CAMK1D: variants seen among roughly 807,000 people sequenced by gnomAD.
CAMK1D encodes calcium/calmodulin dependent protein kinase ID.
In CAMK1D, 9 loss-of-function variants were observed where a neutral mutation model predicts 47.7. The ratio of observed to expected loss-of-function variants is 0.19; its 90% CI spans 0.11 to 0.33. CAMK1D has a LOEUF of 0.33. Ranked by LOEUF, CAMK1D falls within the 10% of genes least tolerant of loss-of-function variation. CAMK1D has a pLI of 1.00. For missense variants in CAMK1D, 291 were observed against 488.7 expected (o/e 0.60, Z 3.81); for synonymous variants, 184 against 184.9 (o/e 0.99, Z 0.04).
At chr10:12,567,870 G>T (rs962174432) in intron 2 of CAMK1D, among the ~76,000 whole-genome samples, 3 of 152,116 alleles carry the variant, frequency 2.0e-5, no homozygotes, top group Non-Finnish European at 4.4e-5. Flanking sequence ...GCTTGAATCA[G>T]AATGGTCAAG....
chr10:12,535,199 A>G (rs1319059481), intron 1 of CAMK1D, among the ~76,000 whole-genome samples: 3 of 152,138 alleles, frequency 2.0e-5, no homozygotes, highest in African/African-American at 7.2e-5. Context: ...CACCCACCGC[A>G]GGGTCCTTTG....
rs10047332 is a variant in CAMK1D, at chr10:12,832,551, C to T, written c.*3664C>T. On this transcript the variant is annotated 3_prime_UTR_variant, in exon 11 of 11. Transcript: ENST00000619168. ...CAGTTCCTCCTACCCCTGCCTCTGT[C>T]GGAGACTAGAAAACATTCTACCCCT... 6,954 of 152,196 alleles carry T rather than the reference C, an allele frequency of 0.046. 505 individuals are homozygous for T. The highest frequency in any genetic ancestry group is 0.16 in the African/African-American group (6,533 of 41,482). 9.4% of individuals were successfully genotyped at this position (152,196 alleles called of 1,614,324 possible).
chr10:12,423,005 C>T (rs1840109502), intron 1 of CAMK1D, among the ~76,000 whole-genome samples: 1 of 151,542 alleles, frequency 6.6e-6, no homozygotes. Flanking sequence ...ATAATTTATA[C>T]ACTATGACTT....
intron 2 of CAMK1D, among the ~76,000 whole-genome samples, chr10:12,643,198 T>A (rs1401018351): frequency 6.6e-6 from 1 of 152,196 alleles, no homozygotes; most frequent in Non-Finnish European, 1.5e-5. Flanking sequence ...AGATGGGGTT[T>A]CACCATGTTG....
intron 1 of CAMK1D, among the ~76,000 whole-genome samples, 186 bp from the exon 2 acceptor site, chr10:12,553,039 G>A (rs564043565): frequency 1.4e-3 from 212 of 152,284 alleles, no homozygotes; most frequent in African/African-American, 4.7e-3. Context: ...CACTGCGCCG[G>A]GCTGCCCCTG....
In CAMK1D at chr10:12,383,154, T is replaced by G. The variant is rs149757385; in HGVS notation, c.92+33244T>G. Among the ~76,000 whole-genome samples the G allele has an allele frequency of 1.2e-4, 18 of 152,304 alleles. No individual in the cohort carries two copies. In the East Asian group the frequency reaches 3.3e-3, roughly 28 times the overall value. ...CATAATCCAGGTTTCCGGGTGTAGTTTTTTTATCTGAAGTATTTGGTACTA... is the reference window on the plus strand; with the variant it reads ...CATAATCCAGGTTTCCGGGTGTAGTGTTTTTATCTGAAGTATTTGGTACTA... On this transcript the variant is annotated intron_variant, in intron 1 of 10. Transcript: ENST00000619168.
intron 1 of CAMK1D, among the ~76,000 whole-genome samples, chr10:12,398,764 C>T (rs1382484526): frequency 6.6e-6 from 1 of 150,960 alleles, no homozygotes; most frequent in Non-Finnish European, 1.5e-5. Flanking sequence ...AATATATCTC[C>T]TAATAAAAAT....
rs535214333 is a variant in CAMK1D at position 12,595,342 on chromosome 10, G to GAAAAAAAAAAAAAA, written c.224+41995_224+42008dup. 2.7e-3 allele frequency among the ~76,000 whole-genome samples: 64 copies of GAAAAAAAAAAAAAA among 23,564 alleles called. 27 individuals are homozygous for GAAAAAAAAAAAAAA. The highest frequency in any genetic ancestry group is 4.4e-3 in the Admixed American group (5 of 1,134). 15.5% of individuals were successfully genotyped at this position (23,564 alleles called of 152,430 possible). On this transcript the variant is annotated intron_variant, in intron 2 of 10. Coordinates refer to ENST00000619168, the MANE Select transcript of CAMK1D (RefSeq NM_153498.4). ...GGGCAACAAGAGTGAAACTCCATCT[G>GAAAAAAAAAAAAAA]AAAAAAAAAAAAAAAAAAAAAAGGA...
At chr10:12,737,743 C>T (rs1176780017) in intron 3 of CAMK1D, among the ~76,000 whole-genome samples, 1 of 152,132 alleles carries the variant, frequency 6.6e-6, no homozygotes, top group Non-Finnish European at 1.5e-5. Context: ...CAGCACTTTA[C>T]TCACTTTGGG....
At chr10:12,571,508 C>T (rs565158932) in intron 2 of CAMK1D, among the ~76,000 whole-genome samples, 9 of 151,740 alleles carry the variant, frequency 5.9e-5, no homozygotes, top group Admixed American at 5.3e-4. Context: ...CCAGGCCCCG[C>T]TGCAAACCCA....
intron 1 of CAMK1D, among the ~76,000 whole-genome samples, chr10:12,495,875 C>T (rs1031947373): frequency 3.3e-5 from 5 of 152,036 alleles, no homozygotes; most frequent in Non-Finnish European, 7.4e-5. Flanking sequence ...TCACTCAGGC[C>T]GGAGTGCAGT....
At chr10:12,387,846 C>G in intron 1 of CAMK1D, among the ~76,000 whole-genome samples, 1 of 152,018 alleles carries the variant, frequency 6.6e-6, no homozygotes. Flanking sequence ...TATCCTCTAT[C>G]GGGATGTAAG....
At chr10:12,599,785 C>T (rs1187621763) in intron 2 of CAMK1D, among the ~76,000 whole-genome samples, 2 of 152,216 alleles carry the variant, frequency 1.3e-5, no homozygotes, top group South Asian at 4.1e-4. Context: ...GGCTTGCAGC[C>T]TCCCCATTGC....
At chr10:12,677,812 G>C (rs1207190204) in intron 3 of CAMK1D, among the ~76,000 whole-genome samples, 1 of 152,108 alleles carries the variant, frequency 6.6e-6, no homozygotes, top group Non-Finnish European at 1.5e-5. Flanking sequence ...GAGTGGTTTT[G>C]TCCTGTAGGA....
chr10:12,815,707 T>TC (rs1208232833), intron 7 of CAMK1D, among the ~76,000 whole-genome samples: 1 of 152,122 alleles, frequency 6.6e-6, no homozygotes, highest in East Asian at 1.9e-4. Context: ...CTCCCCCACT[T>TC]CCCCCAGCAG....
At chr10:12,577,066 G>C (rs1837511774) in intron 2 of CAMK1D, among the ~76,000 whole-genome samples, 1 of 152,212 alleles carries the variant, frequency 6.6e-6, no homozygotes, top group South Asian at 2.1e-4. Context: ...GGATGCCTTT[G>C]TTAATATGTG....
intron 3 of CAMK1D, among the ~76,000 whole-genome samples, chr10:12,760,068 T>G (rs920003239): frequency 1.3e-5 from 2 of 152,220 alleles, no homozygotes; most frequent in Non-Finnish European, 2.9e-5. Context: ...CTTAATGATT[T>G]GAGATGATTT....
intron 1 of CAMK1D, among the ~76,000 whole-genome samples, chr10:12,441,617 A>T (rs1246028652): frequency 2.0e-5 from 3 of 151,520 alleles, no homozygotes; most frequent in Non-Finnish European, 4.4e-5. Context: ...GTTCGAGACC[A>T]GCCTGGCCAA....
intron 4 of CAMK1D, among the ~76,000 whole-genome samples, chr10:12,764,427 G>A (rs78582085): frequency 0.012 from 1,685 of 145,288 alleles, 19 homozygotes; most frequent in East Asian, 0.062. Context: ...ATGACCAGTT[G>A]ATTTAACCCT....
Sources: allele counts gnomAD v4.1 joint callset (sites outside exome capture counted in the v4.1 genomes callset), GRCh38; gene constraint gnomAD v4.1.1; transcripts MANE v1.5; gene names NCBI Gene and HGNC (gene_info 2026-07-23, HGNC 2026-07-21).